Variants in TP53BP2 observed in about 807,000 individuals in gnomAD.
The protein encoded by TP53BP2 is apoptosis-stimulating of p53 protein 2.
Under a neutral mutation model 126.2 loss-of-function variants are expected in TP53BP2, and 62 were observed. The ratio of observed to expected loss-of-function variants is 0.49; its 90% CI spans 0.40 to 0.61. The LOEUF is 0.61. Ranked by LOEUF, TP53BP2 falls within the 20% of genes least tolerant of loss-of-function variation. The probability of loss-of-function intolerance (pLI) is 0.00; values close to 1 mark genes in which losing one functional copy is unlikely to be tolerated. For synonymous variants in TP53BP2, 485 were observed against 502.9 expected, an observed-to-expected ratio of 0.96 and a Z score of 0.48; for missense variants, 1,215 against 1,402.8, an observed-to-expected ratio of 0.87 and a Z score of 2.14.
chr1:223,820,959 A>G, intron 2 of TP53BP2: 1 of 525,118 alleles, frequency 1.9e-6, no homozygotes, highest in Non-Finnish European at 3.4e-6. Flanking sequence ...GACACTGTTG[A>G]GCACCATCCA....
In TP53BP2 at chr1:223,797,977, A is replaced by G. The variant is rs142112260; in HGVS notation, c.1948+238T>C. ...CATTATATTTGGTTCTCCCTCACCG[A>G]TAAGCCCCTCCAGACTTGAGACCAC... On this transcript the variant is annotated intron_variant, in intron 12 of 17. Coordinates refer to ENST00000343537, the MANE Select transcript of TP53BP2 (RefSeq NM_001031685.3). 1.7e-4 allele frequency among the ~76,000 whole-genome samples: 26 copies of G among 152,216 alleles called. No individual in the cohort carries two copies. The East Asian group carries it at 3.1e-3, about 18-fold the overall frequency.
In TP53BP2 at chr1:223,804,057, G is replaced by A. The variant is rs1397999365; in HGVS notation, c.649+117C>T. ...CCAGCTACTCAGGAGGCTGAGGTGGGAGGATCACTTGAGGCCACGGTTCAA... is the reference window on the plus strand; with the variant it reads ...CCAGCTACTCAGGAGGCTGAGGTGGAAGGATCACTTGAGGCCACGGTTCAA... On this transcript the variant is annotated intron_variant, in intron 6 of 17. Transcript: ENST00000343537. The A allele has an allele frequency of 7.6e-6, 8 of 1,056,652 alleles. No individual in the cohort carries two copies. In the East Asian group the frequency reaches 1.9e-4, roughly 26 times the overall value. 65.5% of individuals were successfully genotyped at this position (1,056,652 alleles called of 1,614,324 possible). A position where few individuals can be genotyped will look rare whatever the true frequency, so the allele number is the denominator to read the frequency against.
At chr1:223,815,793 C>CTATGTTTAAA (rs11283618) in intron 2 of TP53BP2, among the ~76,000 whole-genome samples, 42,892 of 151,878 alleles carry the variant, frequency 0.28, 8,313 homozygotes, top group African/African-American at 0.55. Context: ...GTACCTTTTC[C>CTATGTTTAAA]TATGTTTAGA....
At chr1:223,784,048 T>C in intron 17 of TP53BP2, 67 bp downstream of exon 17, 8 of 1,396,172 alleles carry the variant, frequency 5.7e-6, no homozygotes, top group Non-Finnish European at 8.2e-6. Context: ...ACACATAACA[T>C]ACAGCAGTTT....
intron 13 of TP53BP2, among the ~76,000 whole-genome samples, chr1:223,794,954 T>C (rs981310163): frequency 1.3e-5 from 2 of 152,252 alleles, no homozygotes; most frequent in African/African-American, 4.8e-5. Context: ...AATGCTATTT[T>C]GCTTTTCACC....
At chr1:223,831,476 AAAAAATATAT>A (rs1171540857) in intron 1 of TP53BP2, among the ~76,000 whole-genome samples, 2,585 of 50,168 alleles carry the variant, frequency 0.052, 91 homozygotes, top group South Asian at 0.069. Context: ...TAAAAAAAAA[AAAAAATATAT>A]ATATATATAT....
chr1:223,826,756 C>G (rs1663510423), intron 1 of TP53BP2, among the ~76,000 whole-genome samples: 1 of 151,936 alleles, frequency 6.6e-6, no homozygotes, highest in African/African-American at 2.4e-5. Flanking sequence ...TATTTATGCC[C>G]TTAAAAAAAA....
chr1:223,843,906 T>A (rs1478886186), intron 1 of TP53BP2, among the ~76,000 whole-genome samples: 1 of 152,212 alleles, frequency 6.6e-6, no homozygotes. Context: ...AATCTGAGAA[T>A]CTCCACTTTA....
intron 14 of TP53BP2, among the ~76,000 whole-genome samples, chr1:223,792,741 GGTTT>G (rs1195631804): frequency 6.6e-6 from 1 of 151,498 alleles, no homozygotes; most frequent in African/African-American, 2.4e-5. Context: ...ACTATAAAAA[GGTTT>G]TTTTTAAAAA....
chr1:223,796,585 C>A lies in TP53BP2; in HGVS notation c.1954G>T (p.Gly652Cys). 1 of 1,560,428 alleles carries A rather than the reference C, an allele frequency of 6.4e-7. No individual in the cohort carries two copies. The highest frequency in any genetic ancestry group is 1.2e-5 in the South Asian group (1 of 83,832). Residue 652 changes from glycine (G) to cysteine (C), a missense_variant, in exon 13 of 18, where the codon GGT becomes TGT. Transcript: ENST00000343537. The surrounding 1 kb of genome is among the most constrained non-coding windows in gnomAD (Gnocchi z 4.2). ...TGGGCAGCAGCAATTACAGGCTTACCATATACTAATTGGAAAAGGAAAAAA... is the reference window on the plus strand; with the variant it reads ...TGGGCAGCAGCAATTACAGGCTTACAATATACTAATTGGAAAAGGAAAAAA... ...TRGPHFSSVYGKPVIAAAQNQ... is the reference protein window; with the variant it reads ...TRGPHFSSVYCKPVIAAAQNQ...
chr1:223,793,282 A>G, intron 14 of TP53BP2, 21 bp downstream of exon 14: 1 of 1,520,290 alleles, frequency 6.6e-7, no homozygotes, highest in East Asian at 2.4e-5. Context: ...AAAAAAAAAA[A>G]TTTACTAATT....
chr1:223,825,076 AT>A (rs1663445611), intron 1 of TP53BP2, among the ~76,000 whole-genome samples: 1 of 144,452 alleles, frequency 6.9e-6, no homozygotes, highest in Non-Finnish European at 1.5e-5. Flanking sequence ...CTTCTGCTTT[AT>A]TTCCCTCCTT....
intron 4 of TP53BP2, among the ~76,000 whole-genome samples, chr1:223,807,270 C>T (rs1355225496): frequency 6.6e-6 from 1 of 152,114 alleles, no homozygotes; most frequent in Non-Finnish European, 1.5e-5. Context: ...TATATTACAA[C>T]AGAAGTGTTT....
intron 16 of TP53BP2, among the ~76,000 whole-genome samples, chr1:223,784,874 A>C (rs1661897273): frequency 1.3e-5 from 2 of 152,218 alleles, no homozygotes; most frequent in East Asian, 1.9e-4. Context: ...TTTAGACATG[A>C]TCAAAGTCTT....
chr1:223,822,038 C>T (rs1213711002), intron 1 of TP53BP2, among the ~76,000 whole-genome samples: 1 of 151,752 alleles, frequency 6.6e-6, no homozygotes, highest in Admixed American at 6.6e-5. Context: ...ATTACAGGCG[C>T]ATGCCATATC....
chr1:223,798,294 C>G lies in TP53BP2; in HGVS notation c.1869G>C (p.Gln623His), dbSNP rs754512188. 1.2e-6 allele frequency: 2 copies of G among 1,614,180 alleles called. No homozygotes were observed. The highest frequency in any genetic ancestry group is 1.7e-6 in the Non-Finnish European group (2 of 1,180,028). ...SSIYSMYTQQQAPGKNFQQAV... is the reference protein window; with the variant it reads ...SSIYSMYTQQHAPGKNFQQAV... ...CCTGCTGGAAGTTTTTTCCTGGCGC[C>G]TGCTGTTGCGTATACATGGAATATA... Residue 623 changes from glutamine to histidine, a missense_variant, in exon 12 of 18, where the codon CAG becomes CAC. Gln to His is a conservative substitution (Grantham distance 24). Coordinates refer to ENST00000343537, the MANE Select transcript of TP53BP2 (RefSeq NM_001031685.3).
At chr1:223,818,974 G>A (rs971976756) in intron 2 of TP53BP2, among the ~76,000 whole-genome samples, 1 of 151,490 alleles carries the variant, frequency 6.6e-6, no homozygotes, top group Non-Finnish European at 1.5e-5. Context: ...ACCTGAGATA[G>A]GGAGTTCGAG....
chr1:223,817,673 C>T (rs1663135243), intron 2 of TP53BP2, among the ~76,000 whole-genome samples: 1 of 152,042 alleles, frequency 6.6e-6, no homozygotes. Context: ...TGTCTGTAAT[C>T]CCAGCACTTT....
intron 1 of TP53BP2, chr1:223,834,857 T>C (rs1199064294): frequency 3.0e-6 from 3 of 985,310 alleles, no homozygotes; most frequent in East Asian, 1.1e-4. Context: ...AATGTTCTCT[T>C]TGCTTCTCTG....
Sources: gnomAD v4.1 joint callset for allele counts (sites outside exome capture counted in the v4.1 genomes callset) on GRCh38, gnomAD v4.1.1 for gene constraint, Gnocchi (gnomAD v3.1) non-coding constraint, MANE v1.5 for transcripts, NCBI Gene and HGNC (gene_info 2026-07-23, HGNC 2026-07-21) for gene names.